LRRC28: variants seen among roughly 807,000 people sequenced by gnomAD.
The protein encoded by LRRC28 is leucine rich repeat containing 28.
In LRRC28, 39 loss-of-function variants were observed where a neutral mutation model predicts 45.7. That is an observed-to-expected ratio of 0.85 (90% CI 0.66 to 1.12). The LOEUF is 1.12. LRRC28 is among the 50% of genes most tolerant of loss of function. The pLI is 0.00. For missense variants in LRRC28, 435 were observed against 438.5 expected, an observed-to-expected ratio of 0.99 and a Z score of 0.07; for synonymous variants, 206 against 178.8, an observed-to-expected ratio of 1.15 and a Z score of -1.22.
chr15:99,386,968 C>T lies in LRRC28; in HGVS notation c.*866C>T, dbSNP rs1000716271. On this transcript the variant is annotated 3_prime_UTR_variant, in exon 10 of 10. Coordinates refer to ENST00000301981, the MANE Select transcript of LRRC28 (RefSeq NM_144598.5). ...AAAACACACATTGAAATAAGACCTCCGTGTTCTTTTTTGATGGGTTTATGA... is the reference window on the plus strand; with the variant it reads ...AAAACACACATTGAAATAAGACCTCTGTGTTCTTTTTTGATGGGTTTATGA... The T allele has an allele frequency of 3.3e-5, 5 of 152,102 alleles. No individual in the cohort carries two copies. Among genetic ancestry groups the T allele is most frequent in the Admixed American group, 6.5e-5 (1 of 15,272 alleles). 9.4% of individuals were successfully genotyped at this position (152,102 alleles called of 1,614,324 possible). A position where few individuals can be genotyped will look rare whatever the true frequency, so the allele number is the denominator to read the frequency against.
chr15:99,305,425 T>G (rs1261323689), intron 5 of LRRC28, among the ~76,000 whole-genome samples: 1 of 152,218 alleles, frequency 6.6e-6, no homozygotes, highest in Non-Finnish European at 1.5e-5. Context: ...TAGCACATAT[T>G]CATTTAATTT....
chr15:99,254,703 A>C (rs962753093), intron 1 of LRRC28, among the ~76,000 whole-genome samples: 5 of 152,216 alleles, frequency 3.3e-5, no homozygotes, highest in African/African-American at 1.2e-4. Context: ...ACCTTGGACA[A>C]ATTACTGAAG....
intron 5 of LRRC28, among the ~76,000 whole-genome samples, chr15:99,303,914 C>A (rs1224918813): frequency 1.3e-5 from 2 of 152,038 alleles, no homozygotes; most frequent in Non-Finnish European, 2.9e-5. Flanking sequence ...TTGTCCCCCC[C>A]ACTGGATGTA....
chr15:99,377,067 G>C (rs953011079), intron 9 of LRRC28, among the ~76,000 whole-genome samples: 2 of 152,078 alleles, frequency 1.3e-5, no homozygotes, highest in African/African-American at 4.8e-5. Flanking sequence ...CCCAGTAATG[G>C]GATTGCTGGG....
chr15:99,257,617 C>G, intron 2 of LRRC28: 1 of 680,702 alleles, frequency 1.5e-6, no homozygotes, highest in Non-Finnish European at 2.8e-6. Context: ...TTGAGACTCA[C>G]CAGCCACAAG....
intron 5 of LRRC28, among the ~76,000 whole-genome samples, chr15:99,330,305 T>C (rs1407984400): frequency 6.6e-6 from 1 of 152,170 alleles, no homozygotes; most frequent in African/African-American, 2.4e-5. Flanking sequence ...GTTTTCTGTT[T>C]AGTTGTTTTA....
chr15:99,259,120 T>C, intron 2 of LRRC28: 3 of 1,326,518 alleles, frequency 2.3e-6, no homozygotes, highest in Non-Finnish European at 3.3e-6. Flanking sequence ...ACCACTCGAA[T>C]CGAACATGTC....
chr15:99,319,290 A>G (rs2152275274), intron 5 of LRRC28, among the ~76,000 whole-genome samples: 1 of 152,248 alleles, frequency 6.6e-6, no homozygotes. Flanking sequence ...TATAAAATTG[A>G]CCATCGCTAA....
intron 9 of LRRC28, among the ~76,000 whole-genome samples, chr15:99,376,127 A>G (rs28807370): frequency 0.42 from 63,341 of 151,854 alleles, 14,225 homozygotes; most frequent in African/African-American, 0.6. Flanking sequence ...GTCTCTAGCT[A>G]TGTACCAAAA....
chr15:99,362,822 T>G (rs951463534), intron 8 of LRRC28, among the ~76,000 whole-genome samples: 8 of 152,184 alleles, frequency 5.3e-5, no homozygotes, highest in Non-Finnish European at 1.2e-4. Context: ...ATCTTTGTTC[T>G]TAAAAAATAT....
intron 2 of LRRC28, among the ~76,000 whole-genome samples, chr15:99,274,497 G>C (rs2081565506): frequency 6.6e-6 from 1 of 152,156 alleles, no homozygotes; most frequent in Admixed American, 6.5e-5. Flanking sequence ...ATTTGTCTTA[G>C]TGAGTGTTTA....
chr15:99,360,633 G>C (rs77230734), intron 7 of LRRC28, among the ~76,000 whole-genome samples: 1,646 of 152,300 alleles, frequency 0.011, 38 homozygotes, highest in East Asian at 0.059. Flanking sequence ...GCCAAGGTTT[G>C]TTGGCCAGCT....
chr15:99,333,980 C>T lies in LRRC28; in HGVS notation c.443C>T (p.Thr148Ile), dbSNP rs1229145650. ...GACATTTCTACCAATCGTTTGCTAACTTTACCCGAGAGGCTTCACATGTGC... is the reference window on the plus strand; with the variant it reads ...GACATTTCTACCAATCGTTTGCTAATTTTACCCGAGAGGCTTCACATGTGC... ...TLDISTNRLL[T>I]LPERLHMCLS... is the part of the protein sequence containing the mutation. Residue 148 changes from threonine to isoleucine, a missense_variant, in exon 6 of 10, where the codon ACT (threonine) becomes ATT (isoleucine). Physicochemically the swap from Thr to Ile is moderately conservative, Grantham distance 89. Coordinates refer to ENST00000301981, the MANE Select transcript of LRRC28 (RefSeq NM_144598.5). The T allele has an allele frequency of 1.2e-6, 2 of 1,614,030 alleles. No individual in the cohort carries two copies. Among genetic ancestry groups the T allele is most frequent in the African/African-American group, 1.3e-5 (1 of 74,928 alleles).
rs181998592 is a variant in LRRC28 at position 99,304,107 on chromosome 15, A to G, written c.385+16156A>G. On this transcript the variant is annotated intron_variant, in intron 5 of 9. Transcript: ENST00000301981. ...TAGCACTTCATCTGATTTAGTAAAT[A>G]AAGTTTTTTTGGAATACAGCCATGT... Among the ~76,000 whole-genome samples the G allele has an allele frequency of 1.1e-3, 165 of 152,290 alleles. 1 individual carries two copies. Among genetic ancestry groups the G allele is most frequent in the Middle Eastern group, 0.01 (3 of 294 alleles).
Position 99,352,672 on chromosome 15 carries a change from G to A in LRRC28, c.695+201G>A, listed in dbSNP as rs1197529791. ...CTAGTCTAAAGAAAAATGAATCCAT[G>A]TATACCTTTTTTTATTACAGAAAGA... On this transcript the variant is annotated intron_variant, in intron 7 of 9. Coordinates refer to ENST00000301981, the MANE Select transcript of LRRC28 (RefSeq NM_144598.5). 11 of 539,204 alleles carry A rather than the reference G, an allele frequency of 2.0e-5. No homozygotes were observed. The South Asian group carries it at 2.2e-4, about 11-fold the overall frequency. The allele number at this position is 539,204 out of a possible 1,614,324, so 33.4% of individuals were successfully genotyped here.
chr15:99,327,072 G>T (rs888194253), intron 5 of LRRC28, among the ~76,000 whole-genome samples: 83 of 150,868 alleles, frequency 5.5e-4, no homozygotes, highest in East Asian at 1.4e-3. Context: ...AATTCAGTTT[G>T]TTTTTTTTTA....
At chr15:99,343,445 A>G (rs1340101472) in intron 6 of LRRC28, among the ~76,000 whole-genome samples, 1 of 152,206 alleles carries the variant, frequency 6.6e-6, no homozygotes, top group African/African-American at 2.4e-5. Flanking sequence ...GGTTATAAGC[A>G]AACAAACAAA....
At chr15:99,275,845 A>T (rs1373942307) in intron 2 of LRRC28, among the ~76,000 whole-genome samples, 2 of 152,156 alleles carry the variant, frequency 1.3e-5, no homozygotes, top group African/African-American at 2.4e-5. Flanking sequence ...TGGTTTCTCT[A>T]AGGCAGGGGT....
intron 5 of LRRC28, among the ~76,000 whole-genome samples, chr15:99,290,095 T>TA (rs2152216559): frequency 6.6e-6 from 1 of 151,900 alleles, no homozygotes; most frequent in Admixed American, 6.6e-5. Flanking sequence ...CCATCTCTGC[T>TA]AAAAATACAA....
Sources: allele counts gnomAD v4.1 joint callset (sites outside exome capture counted in the v4.1 genomes callset), GRCh38; gene constraint gnomAD v4.1.1; transcripts MANE v1.5; gene names NCBI Gene and HGNC (gene_info 2026-07-23, HGNC 2026-07-21).